Variants in STXBP6 observed in about 807,000 individuals in gnomAD.
STXBP6 encodes syntaxin binding protein 6.
In STXBP6, 21 loss-of-function variants were observed where a neutral mutation model predicts 26.9. The ratio of observed to expected loss-of-function variants is 0.78; its 90% confidence interval spans 0.55 to 1.12. STXBP6 has a LOEUF of 1.12. Among genes scored for constraint, STXBP6 ranks in the 50% most tolerant of loss-of-function variants. The pLI, the probability that STXBP6 is intolerant of heterozygous loss-of-function variation, is 0.00. For synonymous variants in STXBP6, 97 were observed against 92.6 expected, an observed-to-expected ratio of 1.05 and a Z score of -0.27; for missense variants, 232 against 257.9, an observed-to-expected ratio of 0.90 and a Z score of 0.69.
At chr14:24,973,756 AT>A (rs888521391) in intron 2 of STXBP6, among the ~76,000 whole-genome samples, 3 of 152,170 alleles carry the variant, frequency 2.0e-5, no homozygotes, top group African/African-American at 7.2e-5. Flanking sequence ...AGTCTTAGAA[AT>A]TTACATGTTC....
chr14:24,970,424 GCCA>G (rs1362186843), intron 2 of STXBP6, among the ~76,000 whole-genome samples: 1 of 151,890 alleles, frequency 6.6e-6, no homozygotes, highest in Non-Finnish European at 1.5e-5. Context: ...AGTCAATCCT[GCCA>G]CTACATCTTA....
chr14:24,871,681 A>T (rs1428139658), intron 2 of STXBP6, among the ~76,000 whole-genome samples: 1 of 152,210 alleles, frequency 6.6e-6, no homozygotes. Context: ...CTTTCAAGCC[A>T]TGGCCCACTA....
At chr14:25,003,878 A>T (rs1393758273) in intron 1 of STXBP6, among the ~76,000 whole-genome samples, 1 of 152,250 alleles carries the variant, frequency 6.6e-6, no homozygotes, top group Non-Finnish European at 1.5e-5. Flanking sequence ...ACCTATTCAT[A>T]CTTGGTGAAA....
At chr14:24,822,802 G>A (rs1187676318) in intron 4 of STXBP6, among the ~76,000 whole-genome samples, 1 of 152,114 alleles carries the variant, frequency 6.6e-6, no homozygotes, top group Non-Finnish European at 1.5e-5. Flanking sequence ...GCTTGCAGAA[G>A]ATACTCCTTA....
chr14:24,985,578 A>G (rs1566536955), intron 1 of STXBP6, among the ~76,000 whole-genome samples: 1 of 152,146 alleles, frequency 6.6e-6, no homozygotes, highest in African/African-American at 2.4e-5. Flanking sequence ...TGGGCCTTCT[A>G]TCTTTTGCTG....
chr14:24,937,394 G>A (rs144443547), intron 2 of STXBP6, among the ~76,000 whole-genome samples: 205 of 152,264 alleles, frequency 1.3e-3, no homozygotes, highest in African/African-American at 4.6e-3. Flanking sequence ...ATATGATGTT[G>A]CTCTGTTACT....
At chr14:24,913,355 A>C (rs1180869177) in intron 2 of STXBP6, among the ~76,000 whole-genome samples, 2 of 152,222 alleles carry the variant, frequency 1.3e-5, no homozygotes, top group Non-Finnish European at 2.9e-5. Context: ...TGTTCCTAAC[A>C]CAAAGAAATG....
At chr14:24,979,071 C>T (rs1041058356) in intron 1 of STXBP6, among the ~76,000 whole-genome samples, 1 of 152,102 alleles carries the variant, frequency 6.6e-6, no homozygotes, top group Non-Finnish European at 1.5e-5. Flanking sequence ...AGTCTACAGC[C>T]CTTAAATATT....
At chr14:24,968,914 T>C (rs917071480) in intron 2 of STXBP6, among the ~76,000 whole-genome samples, 2 of 152,200 alleles carry the variant, frequency 1.3e-5, no homozygotes, top group African/African-American at 2.4e-5. Flanking sequence ...TCAGAAGTTC[T>C]TGCACAACAC....
rs1356793366 is a variant in STXBP6 at position 24,810,719 on chromosome 14, C to T, written c.*1990G>A. ...CCTCAGCTACTTTGGAATCAGCTTC[C>T]CAAACATTGTTGTTAGAGAGTTGGC... On this transcript the variant is annotated 3_prime_UTR_variant, in exon 6 of 6. Transcript: ENST00000323944. 6.6e-6 allele frequency: 1 copy of T among 152,102 alleles called. No individual in the cohort carries two copies. Among genetic ancestry groups the T allele is most frequent in the Non-Finnish European group, 1.5e-5 (1 of 68,018 alleles). 9.4% of individuals were successfully genotyped at this position (152,102 alleles called of 1,614,324 possible).
intron 2 of STXBP6, among the ~76,000 whole-genome samples, chr14:24,922,616 A>T (rs912186178): frequency 6.6e-6 from 1 of 152,064 alleles, no homozygotes; most frequent in African/African-American, 2.4e-5. Flanking sequence ...GTACACAGGG[A>T]TGCTGTCCTT....
intron 2 of STXBP6, among the ~76,000 whole-genome samples, chr14:24,933,615 C>T (rs1041577716): frequency 6.6e-6 from 1 of 151,302 alleles, no homozygotes; most frequent in Non-Finnish European, 1.5e-5. Context: ...TTTTTGCAGT[C>T]GACACACTTT....
At chr14:24,825,738 C>T (rs989565898) in intron 4 of STXBP6, among the ~76,000 whole-genome samples, 5 of 152,166 alleles carry the variant, frequency 3.3e-5, no homozygotes, top group Non-Finnish European at 5.9e-5. Context: ...TTCATACTCT[C>T]CTCTCAATTC....
chr14:24,945,978 C>T lies in STXBP6; in HGVS notation c.154+28687G>A, dbSNP rs1050143592. Reference sequence around the variant, plus strand: ...TCGATTAAAGAAAAAGATCTGAAAACGTTTATGCTAATATCTGGTGGATCG... The same window carrying T: ...TCGATTAAAGAAAAAGATCTGAAAATGTTTATGCTAATATCTGGTGGATCG... On this transcript the variant is annotated intron_variant, in intron 2 of 5. Transcript: ENST00000323944. Among the ~76,000 whole-genome samples the T allele has an allele frequency of 4.6e-5, 7 of 152,164 alleles. 2 individuals are homozygous for T. Among genetic ancestry groups the T allele is most frequent in the Admixed American group, 3.9e-4 (6 of 15,274 alleles).
chr14:25,033,327 G>A (rs1157238126), intron 1 of STXBP6, among the ~76,000 whole-genome samples: 2 of 152,126 alleles, frequency 1.3e-5, no homozygotes, highest in African/African-American at 4.8e-5. Flanking sequence ...ACCCTGGTCA[G>A]ACTATCATCA....
intron 1 of STXBP6, among the ~76,000 whole-genome samples, chr14:24,998,950 C>T (rs954047273): frequency 5.9e-5 from 9 of 152,162 alleles, no homozygotes; most frequent in East Asian, 1.9e-4. Context: ...ACCTTAACTA[C>T]GTATATTCCT....
intron 2 of STXBP6, among the ~76,000 whole-genome samples, chr14:24,925,040 T>C (rs1052194572): frequency 1.3e-5 from 2 of 152,194 alleles, no homozygotes; most frequent in South Asian, 2.1e-4. Flanking sequence ...ATGTTCGTGG[T>C]GTTGTATTCA....
chr14:24,845,696 C>A (rs1327508169), intron 4 of STXBP6, among the ~76,000 whole-genome samples: 3 of 152,198 alleles, frequency 2.0e-5, no homozygotes, highest in Non-Finnish European at 2.9e-5. Context: ...GCTTCCCAAA[C>A]TTGTCCACAC....
At chr14:24,902,924 T>G (rs997501457) in intron 2 of STXBP6, among the ~76,000 whole-genome samples, 1 of 152,124 alleles carries the variant, frequency 6.6e-6, no homozygotes, top group African/African-American at 2.4e-5. Context: ...AGGTGATCCA[T>G]AGAATTTTAC....
Sources: gnomAD v4.1 joint callset for allele counts (sites outside exome capture counted in the v4.1 genomes callset) on GRCh38, gnomAD v4.1.1 for gene constraint, MANE v1.5 for transcripts, NCBI Gene and HGNC (gene_info 2026-07-23, HGNC 2026-07-21) for gene names.